The following WLS variants were observed in gnomAD, a reference collection of about 807,000 sequenced individuals.
The protein encoded by WLS is protein wntless homolog.
A neutral mutation model predicts 62.8 loss-of-function variants in WLS; 23 were observed. The observed-to-expected ratio is 0.37, with a 90% CI of 0.26 to 0.52. WLS has a LOEUF of 0.52. WLS is among the 20% of genes least tolerant of loss of function. The pLI is 0.92. For synonymous variants in WLS, 246 were observed against 244.1 expected (o/e 1.01, Z -0.07); for missense variants, 615 against 697.3 (o/e 0.88, Z 1.33).
At chr1:68,163,105 T>C in intron 2 of WLS, 1 of 1,536,094 alleles carries the variant, frequency 6.5e-7, no homozygotes, top group Middle Eastern at 2.2e-4. Context: ...TATGGAACTT[T>C]GCAACTCTCA....
chr1:68,225,125 A>G (rs1414658149), intron 1 of WLS, among the ~76,000 whole-genome samples: 1 of 151,538 alleles, frequency 6.6e-6, no homozygotes, highest in Non-Finnish European at 1.5e-5. Flanking sequence ...CAGTCTTCCA[A>G]TATGATTACT....
intron 8 of WLS, among the ~76,000 whole-genome samples, chr1:68,146,540 T>G (rs1258533970): frequency 6.6e-6 from 1 of 152,128 alleles, no homozygotes; most frequent in African/African-American, 2.4e-5. Context: ...CCTTGGAGTT[T>G]TATAAGAATG....
At chr1:68,124,525 A>G (rs1646401096), downstream of WLS, among the ~76,000 whole-genome samples, 1 of 147,462 alleles carries the variant, frequency 6.8e-6, no homozygotes, top group Non-Finnish European at 1.5e-5. Context: ...CCTTTTCCTA[A>G]CCCAGGGGAT....
intron 1 of WLS, among the ~76,000 whole-genome samples, chr1:68,228,876 C>CA (rs1294381621): frequency 1.5e-5 from 1 of 67,356 alleles, no homozygotes; most frequent in African/African-American, 5.3e-5. Context: ...AAAAAGCAAG[C>CA]AAAAAAATGT....
At position 68,197,684 on chromosome 1, in the gene WLS, G is replaced by A. The variant is rs534181050; in HGVS notation, c.107-3457C>T. Among the ~76,000 whole-genome samples, 28 of 152,200 alleles carry A rather than the reference G, an allele frequency of 1.8e-4. 1 individual carries two copies. Among genetic ancestry groups the A allele is most frequent in the African/African-American group, 5.3e-4 (22 of 41,536 alleles). ...TTCTTTATATAGACAGCATTATCAC[G>A]TAAACCAAAAGCAAAGCTTACAGCT... On this transcript the variant is annotated intron_variant, in intron 1 of 11. Coordinates refer to ENST00000262348, the MANE Select transcript of WLS (RefSeq NM_024911.7).
intron 2 of WLS, among the ~76,000 whole-genome samples, chr1:68,175,432 G>C (rs940433085): frequency 6.6e-6 from 1 of 152,202 alleles, no homozygotes; most frequent in African/African-American, 2.4e-5. Flanking sequence ...GGGTAGGAAA[G>C]TTAGGACACC....
intron 11 of WLS, among the ~76,000 whole-genome samples, chr1:68,106,404 C>A (rs1008188300): frequency 3.3e-5 from 5 of 152,108 alleles, no homozygotes; most frequent in Middle Eastern, 3.4e-3. Context: ...GTGTGTGTGA[C>A]CTCTGCAGCT....
Position 68,216,158 on chromosome 1 carries a change from T to C in WLS, c.106+16036A>G, listed in dbSNP as rs112522036. ...ATTTCTATCACAAGTAGTTCATATT[T>C]TTTAAAACTACTCTTTTTTCTTGTT... On this transcript the variant is annotated intron_variant, in intron 1 of 11. Transcript: ENST00000262348. Among the ~76,000 whole-genome samples, 938 of 152,322 alleles carry C rather than the reference T, an allele frequency of 6.2e-3. 18 individuals carry two copies. Among genetic ancestry groups the C allele is most frequent in the African/African-American group, 0.022 (903 of 41,572 alleles).
At chr1:68,158,807 G>A (rs950938186) in intron 3 of WLS, among the ~76,000 whole-genome samples, 1 of 152,070 alleles carries the variant, frequency 6.6e-6, no homozygotes, top group Non-Finnish European at 1.5e-5. Context: ...GCTTACCTGA[G>A]GTCACACCGT....
chr1:68,147,290 A>G (rs534953397), intron 8 of WLS, among the ~76,000 whole-genome samples: 2 of 152,308 alleles, frequency 1.3e-5, no homozygotes, highest in East Asian at 1.9e-4. Flanking sequence ...TGCAGCTAAC[A>G]TTTGGTGGGG....
In WLS at chr1:68,144,653, C is replaced by G; in HGVS notation, c.1279-1G>C. The G allele has an allele frequency of 6.2e-7, 1 of 1,612,880 alleles. No individual in the cohort carries two copies. The highest frequency in any genetic ancestry group is 8.5e-7 in the Non-Finnish European group (1 of 1,179,140). On this transcript the variant is annotated splice_acceptor_variant, in intron 9 of 11. Coordinates refer to ENST00000262348, the MANE Select transcript of WLS (RefSeq NM_024911.7). LOFTEE classifies it high-confidence loss of function. ...GGAACTTGAACCTAAAAATTAGCCC[C>G]TATTAGAAAAGAAAGAGTAGTTTAA...
At chr1:68,148,521 T>G (rs1408782083) in intron 7 of WLS, 42 bp downstream of exon 7, 1 of 1,589,458 alleles carries the variant, frequency 6.3e-7, no homozygotes, top group East Asian at 2.2e-5. Context: ...GTGGGCGTGG[T>G]GATGCACAGT....
chr1:68,174,667 A>G (rs1647205561), intron 2 of WLS, among the ~76,000 whole-genome samples: 1 of 152,162 alleles, frequency 6.6e-6, no homozygotes, highest in South Asian at 2.1e-4. Flanking sequence ...TTCTCCAGCC[A>G]TCACCCTCAG....
intron 1 of WLS, among the ~76,000 whole-genome samples, chr1:68,207,129 T>G (rs1649313011): frequency 6.6e-6 from 1 of 152,234 alleles, no homozygotes; most frequent in South Asian, 2.1e-4. Flanking sequence ...ACTTTCATAC[T>G]GATGTATTTA....
At chr1:68,116,637 A>G (rs1646295433) in intron 11 of WLS, among the ~76,000 whole-genome samples, 1 of 152,202 alleles carries the variant, frequency 6.6e-6, no homozygotes, top group African/African-American at 2.4e-5. Context: ...GCACATCCAT[A>G]GCAGGGATTC....
intron 1 of WLS, among the ~76,000 whole-genome samples, chr1:68,225,770 A>G (rs1309389621): frequency 6.6e-6 from 1 of 152,104 alleles, no homozygotes; most frequent in Non-Finnish European, 1.5e-5. Context: ...CTACCAACCT[A>G]CACCCTCTAA....
intron 1 of WLS, among the ~76,000 whole-genome samples, chr1:68,229,695 C>T (rs941101168): frequency 4.7e-5 from 7 of 150,236 alleles, no homozygotes; most frequent in African/African-American, 1.7e-4. Context: ...TGGGTCCTAC[C>T]CAAATTTTAG....
intron 11 of WLS, among the ~76,000 whole-genome samples, chr1:68,131,106 T>A (rs1172592217): frequency 7.1e-5 from 2 of 28,004 alleles, no homozygotes; most frequent in Admixed American, 5.5e-4. Flanking sequence ...AGAGACAGGG[T>A]TTCACCGCAT....
At chr1:68,188,933 A>C (rs1242130393) in intron 2 of WLS, among the ~76,000 whole-genome samples, 4 of 152,234 alleles carry the variant, frequency 2.6e-5, no homozygotes, top group Non-Finnish European at 4.4e-5. Context: ...TGATAAATTA[A>C]AGCTAAAAGA....
Sources: gnomAD v4.1 joint callset for allele counts (sites outside exome capture counted in the v4.1 genomes callset) on GRCh38, gnomAD v4.1.1 for gene constraint, MANE v1.5 for transcripts, NCBI Gene and HGNC (gene_info 2026-07-23, HGNC 2026-07-21) for gene names.